The following PEBP4 variants were observed in gnomAD, a reference collection of about 807,000 sequenced individuals.
PEBP4 encodes the protein phosphatidylethanolamine-binding protein 4.
A neutral mutation model predicts 23.9 loss-of-function variants in PEBP4; 22 were observed. The ratio of observed to expected loss-of-function variants is 0.92; its 90% CI spans 0.66 to 1.31. The LOEUF is 1.31. Among genes scored for constraint, PEBP4 ranks in the 40% most tolerant of loss-of-function variants. The probability of loss-of-function intolerance (pLI) is 0.00; values close to 1 mark genes in which losing one functional copy is unlikely to be tolerated. For missense variants in PEBP4, 324 were observed against 281.7 expected, an observed-to-expected ratio of 1.15 and a Z score of -1.07; for synonymous variants, 112 against 99.3, an observed-to-expected ratio of 1.13 and a Z score of -0.76.
upstream of PEBP4, among the ~76,000 whole-genome samples, chr8:22,929,746 T>A (rs778824137): frequency 5.3e-5 from 8 of 152,216 alleles, no homozygotes; most frequent in Non-Finnish European, 7.3e-5. Context: ...CTCACTCTCA[T>A]CGCCCAGGCT....
rs77732594 is a variant in PEBP4 at position 22,918,453 on chromosome 8, G to A, written c.258+1731C>T. On this transcript the variant is annotated intron_variant, in intron 3 of 6. Transcript: ENST00000256404. ...TTCAGGATGTGGCGTGGGTGATGTC[G>A]TCTTTGTGTAATGTGCTGATAAGCC... Among the ~76,000 whole-genome samples the A allele has an allele frequency of 4.1e-3, 626 of 152,266 alleles. 28 individuals carry two copies. The East Asian group carries it at 0.089, about 22-fold the overall frequency.
At chr8:22,722,885 G>A (rs1174402760) in intron 6 of PEBP4, among the ~76,000 whole-genome samples, 6 of 151,574 alleles carry the variant, frequency 4.0e-5, no homozygotes, top group Non-Finnish European at 7.4e-5. Context: ...CTGTTCTCCT[G>A]CCTCAGCCTC....
chr8:22,846,793 C>T (rs1033389450), intron 3 of PEBP4, among the ~76,000 whole-genome samples: 3 of 152,234 alleles, frequency 2.0e-5, no homozygotes, highest in South Asian at 2.1e-4. Context: ...TCACCAAAAA[C>T]TTGTAGTGTT....
At chr8:22,879,645 G>A (rs1000979814) in intron 3 of PEBP4, among the ~76,000 whole-genome samples, 4 of 152,226 alleles carry the variant, frequency 2.6e-5, no homozygotes, top group Non-Finnish European at 4.4e-5. Context: ...GTTATCCCAC[G>A]AGGGTCGAGG....
At chr8:22,921,794 T>C (rs1274131315) in intron 2 of PEBP4, among the ~76,000 whole-genome samples, 2 of 152,250 alleles carry the variant, frequency 1.3e-5, no homozygotes, top group African/African-American at 4.8e-5. Context: ...ACCAGTTTTA[T>C]CTTCCTAGCA....
chr8:22,865,592 GGCGCAC>G lies in PEBP4; in HGVS notation c.259-47863_259-47858del, dbSNP rs1807877157. On this transcript the variant is annotated intron_variant, in intron 3 of 6. Transcript: ENST00000256404. This position sits in a 1 kb window ranked among gnomAD's most constrained non-coding sequence, Gnocchi z 6.9. ...CCGGGGAAGGAATTCCCTCCGCCCG[GGCGCAC>G]GCGGCCCCCCGCCCCCGCCCCATCC... 6.6e-6 allele frequency among the ~76,000 whole-genome samples: 1 copy of G among 152,204 alleles called. No individual in the cohort carries two copies. The highest frequency in any genetic ancestry group is 2.4e-5 in the African/African-American group (1 of 41,466).
chr8:22,741,047 G>A (rs1219781906), intron 4 of PEBP4, among the ~76,000 whole-genome samples: 1 of 152,196 alleles, frequency 6.6e-6, no homozygotes, highest in African/African-American at 2.4e-5. Context: ...CAGATGGGAT[G>A]GAAGAGGCGA....
chr8:22,877,759 C>G (rs775537418), intron 3 of PEBP4, among the ~76,000 whole-genome samples: 2 of 152,150 alleles, frequency 1.3e-5, no homozygotes, highest in Non-Finnish European at 2.9e-5. Flanking sequence ...TTCTCGCTGT[C>G]GCTCGGCAGA....
At chr8:22,728,716 A>G (rs1252835793) in intron 4 of PEBP4, among the ~76,000 whole-genome samples, 1 of 151,442 alleles carries the variant, frequency 6.6e-6, no homozygotes, top group Non-Finnish European at 1.5e-5. Flanking sequence ...TCCTGCCTCA[A>G]CTTCCCGAGT....
intron 3 of PEBP4, among the ~76,000 whole-genome samples, chr8:22,834,793 T>A (rs951655549): frequency 1.3e-5 from 2 of 152,196 alleles, no homozygotes; most frequent in Admixed American, 6.5e-5. Flanking sequence ...TGTTGGTGTA[T>A]TGAAGCCATC....
chr8:22,859,864 A>G (rs1262835313), intron 3 of PEBP4, among the ~76,000 whole-genome samples: 1 of 151,924 alleles, frequency 6.6e-6, no homozygotes, highest in African/African-American at 2.4e-5. Flanking sequence ...TCTTTTTAAA[A>G]AATATTGTCT....
intron 3 of PEBP4, among the ~76,000 whole-genome samples, chr8:22,855,066 G>A (rs147421723): frequency 1.3e-4 from 20 of 150,504 alleles, no homozygotes; most frequent in South Asian, 4.2e-4. Flanking sequence ...AAAGAAAGGC[G>A]TTTTTTAAAC....
At chr8:22,772,359 C>G (rs1019877254) in intron 4 of PEBP4, among the ~76,000 whole-genome samples, 7 of 152,104 alleles carry the variant, frequency 4.6e-5, no homozygotes, top group African/African-American at 1.7e-4. Context: ...TAGAAGAGTC[C>G]CAGGCAAACT....
intron 4 of PEBP4, among the ~76,000 whole-genome samples, chr8:22,806,614 CAAA>C (rs55944201): frequency 7.0e-5 from 6 of 85,862 alleles, no homozygotes; most frequent in Admixed American, 1.3e-4. Context: ...GACTGTGTCT[CAAA>C]AAAAAAAAAA....
chr8:22,918,997 T>C (rs1809142333), intron 3 of PEBP4, among the ~76,000 whole-genome samples: 1 of 152,176 alleles, frequency 6.6e-6, no homozygotes. Flanking sequence ...GTGTTTGTCG[T>C]GTTTGCAAAC....
chr8:22,802,336 C>G (rs1026995071), intron 4 of PEBP4, among the ~76,000 whole-genome samples: 3 of 152,234 alleles, frequency 2.0e-5, no homozygotes, highest in Non-Finnish European at 4.4e-5. Context: ...CCGTGCCAAG[C>G]CTGTCTCTCA....
At chr8:22,822,365 G>GTC (rs1309548254) in intron 3 of PEBP4, among the ~76,000 whole-genome samples, 1 of 151,898 alleles carries the variant, frequency 6.6e-6, no homozygotes, top group Non-Finnish European at 1.5e-5. Context: ...GTGTGTGTGT[G>GTC]TGTGTGTGTG....
chr8:22,733,351 C>T (rs34876649), intron 4 of PEBP4, among the ~76,000 whole-genome samples: 21,159 of 152,198 alleles, frequency 0.14, 1,906 homozygotes, highest in Middle Eastern at 0.21. Flanking sequence ...TGGGTGTCCC[C>T]GTAGGGACAG....
intron 3 of PEBP4, among the ~76,000 whole-genome samples, chr8:22,898,000 G>A (rs1585331143): frequency 6.6e-6 from 1 of 152,220 alleles, no homozygotes; most frequent in Non-Finnish European, 1.5e-5. Flanking sequence ...CCGTTTTCAA[G>A]CCAAGGAGGG....
Sources: gnomAD v4.1 joint callset for allele counts (sites outside exome capture counted in the v4.1 genomes callset) on GRCh38, gnomAD v4.1.1 for gene constraint, Gnocchi (gnomAD v3.1) non-coding constraint, MANE v1.5 for transcripts, NCBI Gene and HGNC (gene_info 2026-07-23, HGNC 2026-07-21) for gene names.